Variants in HTR7 observed in about 807,000 individuals in gnomAD.
HTR7 encodes 5-HT-7.
Under a neutral mutation model 34.0 loss-of-function variants are expected in HTR7, and 16 were observed. The observed-to-expected ratio is 0.47, with a 90% CI of 0.32 to 0.71. HTR7 has a LOEUF of 0.71. HTR7 is among the 30% of genes least tolerant of loss of function. HTR7 has a pLI of 0.04. For missense variants in HTR7, 504 were observed against 625.5 expected (o/e 0.81, Z 2.07); for synonymous variants, 265 against 260.2 (o/e 1.02, Z -0.18).
chr10:90,810,911 T>C (rs1437928800), intron 1 of HTR7, among the ~76,000 whole-genome samples: 1 of 152,184 alleles, frequency 6.6e-6, no homozygotes, highest in Non-Finnish European at 1.5e-5. Context: ...GTCTGACTGA[T>C]CTCTCAAACC....
In HTR7 at chr10:90,857,475, T is replaced by C. The variant is rs761782243; in HGVS notation, c.197A>G (p.Asn66Ser). The change falls in exon 1 of 4, where the codon AAT (asparagine) becomes AGT (serine). Residue 66 changes from asparagine (N) to serine (S), a missense_variant. This residue lies in a region of HTR7 where 139 missense variants were observed against 117.1 expected (regional missense o/e 1.19). Transcript: ENST00000336152. This position sits in a 1 kb window ranked among gnomAD's most constrained non-coding sequence, Gnocchi z 6.5. ...GATCTGTTCCCCACAGCCGGAGGCA[T>C]TGTCCGGGGGCGCGTCCCAGGTGGG... is the stretch of plus-strand genomic sequence containing the variant. ...PAPTWDAPPDNASGCGEQINY... is the reference protein window; with the variant it reads ...PAPTWDAPPDSASGCGEQINY... 12 of 1,613,702 alleles carry C rather than the reference T, an allele frequency of 7.4e-6. No homozygotes were observed. The Middle Eastern group carries it at 6.6e-4, about 89-fold the overall frequency.
intron 1 of HTR7, among the ~76,000 whole-genome samples, chr10:90,842,517 G>A (rs916512394): frequency 2.0e-5 from 3 of 152,134 alleles, no homozygotes; most frequent in Non-Finnish European, 4.4e-5. Flanking sequence ...TCACCCAGGA[G>A]TAGGGGTGGG....
intron 1 of HTR7, among the ~76,000 whole-genome samples, chr10:90,853,360 G>A (rs574323137): frequency 6.2e-5 from 9 of 144,254 alleles, no homozygotes; most frequent in East Asian, 2.0e-4. Context: ...ATCTTGGCTC[G>A]CTGCAGCCTC....
chr10:90,769,132 T>C (rs1845068702), intron 1 of HTR7, among the ~76,000 whole-genome samples: 1 of 152,232 alleles, frequency 6.6e-6, no homozygotes, highest in Non-Finnish European at 1.5e-5. Context: ...AATTGCTGAA[T>C]TATTTGAATG....
At chr10:90,793,536 CA>C (rs34846867) in intron 1 of HTR7, among the ~76,000 whole-genome samples, 261 of 132,734 alleles carry the variant, frequency 2.0e-3, no homozygotes, top group Middle Eastern at 0.016. Flanking sequence ...TAAGAAAGCT[CA>C]AAAAAAAAAA....
chr10:90,774,105 C>T (rs1473425580), intron 1 of HTR7, among the ~76,000 whole-genome samples: 1 of 151,924 alleles, frequency 6.6e-6, no homozygotes, highest in Non-Finnish European at 1.5e-5. Context: ...AACATAATGG[C>T]TCACTGAATA....
chr10:90,758,985 G>A (rs1844884780), intron 1 of HTR7, among the ~76,000 whole-genome samples: 2 of 151,388 alleles, frequency 1.3e-5, no homozygotes, highest in African/African-American at 4.9e-5. Flanking sequence ...GTCGGGAGTT[G>A]GAGACCAGCC....
chr10:90,780,748 C>A (rs890428371), intron 1 of HTR7, among the ~76,000 whole-genome samples: 1 of 152,058 alleles, frequency 6.6e-6, no homozygotes, highest in Admixed American at 6.6e-5. Flanking sequence ...TCAAGAATGA[C>A]AAAATCAAAC....
At chr10:90,813,798 C>A (rs908387625) in intron 1 of HTR7, among the ~76,000 whole-genome samples, 1 of 152,172 alleles carries the variant, frequency 6.6e-6, no homozygotes, top group Admixed American at 6.5e-5. Context: ...AAGGAAAAGA[C>A]AGCATGGCGC....
intron 1 of HTR7, among the ~76,000 whole-genome samples, chr10:90,783,942 T>C (rs1845344899): frequency 6.6e-6 from 1 of 152,208 alleles, no homozygotes; most frequent in African/African-American, 2.4e-5. Flanking sequence ...ATAATTATCC[T>C]TTTTATTCTA....
intron 1 of HTR7, among the ~76,000 whole-genome samples, chr10:90,756,251 C>A (rs1844831539): frequency 6.6e-6 from 1 of 152,150 alleles, no homozygotes; most frequent in South Asian, 2.1e-4. Flanking sequence ...TGAAAATGTT[C>A]TTTCTCTTCC....
intron 1 of HTR7, among the ~76,000 whole-genome samples, chr10:90,808,640 C>T (rs1241703675): frequency 6.6e-6 from 1 of 152,088 alleles, no homozygotes; most frequent in East Asian, 1.9e-4. Context: ...AGGGTAAGAA[C>T]CCCTGAACCC....
intron 1 of HTR7, among the ~76,000 whole-genome samples, chr10:90,833,342 T>C (rs1044432375): frequency 2.4e-4 from 37 of 152,222 alleles, no homozygotes; most frequent in Non-Finnish European, 4.1e-4. Flanking sequence ...TATTTTACAT[T>C]CCCTTCTCTG....
At chr10:90,815,016 G>A (rs904607882) in intron 1 of HTR7, among the ~76,000 whole-genome samples, 2 of 152,120 alleles carry the variant, frequency 1.3e-5, no homozygotes, top group African/African-American at 2.4e-5. Flanking sequence ...AGGGTAAAAC[G>A]GTCATAAAAG....
chr10:90,834,674 T>C (rs1846227791), intron 1 of HTR7, among the ~76,000 whole-genome samples: 1 of 152,194 alleles, frequency 6.6e-6, no homozygotes, highest in African/African-American at 2.4e-5. Flanking sequence ...GCCATGGGTC[T>C]CTCATTGTCC....
At chr10:90,753,284 C>A (rs1305992863) in intron 1 of HTR7, among the ~76,000 whole-genome samples, 2 of 141,404 alleles carry the variant, frequency 1.4e-5, no homozygotes, top group African/African-American at 5.2e-5. Flanking sequence ...ATAATCCCAG[C>A]ACTTTGGGAG....
chr10:90,772,257 C>T (rs1021122669), intron 1 of HTR7, among the ~76,000 whole-genome samples: 5 of 152,058 alleles, frequency 3.3e-5, no homozygotes, highest in Admixed American at 3.3e-4. Context: ...AATCCTTTAT[C>T]CTCATATCCT....
intron 1 of HTR7, among the ~76,000 whole-genome samples, chr10:90,772,856 TTACAACCCTCTAGATATTATTA>T (rs1845138718): frequency 6.6e-6 from 1 of 152,180 alleles, no homozygotes; most frequent in South Asian, 2.1e-4. Context: ...GATTCAGTCT[TTACAACCCTCTAGATATTATTA>T]TCATCCCTAT....
Position 90,776,893 on chromosome 10 carries a change from G to A in HTR7, c.540-27299C>T, listed in dbSNP as rs554831340. ...AGCTGTCCACATACAGAGAGGCAAA[G>A]GAAAGAAAATCTAATTAATTGAAGG... On this transcript the variant is annotated intron_variant, in intron 1 of 3. Transcript: ENST00000336152. Among the ~76,000 whole-genome samples the A allele has an allele frequency of 2.6e-5, 4 of 152,194 alleles. No individual in the cohort carries two copies. In the South Asian group the frequency reaches 8.3e-4, roughly 32 times the overall value.
Sources: gnomAD v4.1 joint callset for allele counts (sites outside exome capture counted in the v4.1 genomes callset) on GRCh38, gnomAD v4.1.1 for gene constraint, gnomAD v4.1.1 regional missense constraint, Gnocchi (gnomAD v3.1) non-coding constraint, MANE v1.5 for transcripts, NCBI Gene and HGNC (gene_info 2026-07-23, HGNC 2026-07-21) for gene names.